The following TMEM132B variants were observed in gnomAD, a reference collection of about 807,000 sequenced individuals.
TMEM132B encodes the protein transmembrane protein 132B.
A neutral mutation model predicts 90.8 loss-of-function variants in TMEM132B; 18 were observed. The observed-to-expected ratio is 0.20, with a 90% CI of 0.14 to 0.29. TMEM132B has a LOEUF of 0.29. Among genes scored for constraint, TMEM132B ranks in the 10% least tolerant of loss-of-function variants. TMEM132B has a pLI of 1.00. For synonymous variants in TMEM132B, 504 were observed against 523.3 expected, an observed-to-expected ratio of 0.96 and a Z score of 0.50; for missense variants, 1,096 against 1,326.8, an observed-to-expected ratio of 0.83 and a Z score of 2.70.
At chr12:125,188,310 C>T (rs966132510) in intron 1 of TMEM132B, among the ~76,000 whole-genome samples, 1 of 152,150 alleles carries the variant, frequency 6.6e-6, no homozygotes, top group Admixed American at 6.5e-5. Flanking sequence ...CTGCGGTCCA[C>T]GAGAGGGGCT....
chr12:125,551,587 A>C (rs915380792), intron 4 of TMEM132B, among the ~76,000 whole-genome samples: 3 of 143,496 alleles, frequency 2.1e-5, no homozygotes, highest in Non-Finnish European at 4.6e-5. Flanking sequence ...CTCCACATCT[A>C]TCTTTTTTTT....
At position 125,349,565 on chromosome 12, in the gene TMEM132B, G is replaced by A. The variant is rs200926788; in HGVS notation, c.181G>A (p.Ala61Thr). 5.3e-5 allele frequency: 85 copies of A among 1,613,682 alleles called. No individual in the cohort carries two copies. Among genetic ancestry groups the A allele is most frequent in the Middle Eastern group, 4.9e-4 (3 of 6,080 alleles). The change falls in exon 2 of 9, where the codon GCC becomes ACC. Residue 61 changes from alanine to threonine, a missense_variant. Transcript: ENST00000682704. This position sits in a 1 kb window ranked among gnomAD's most constrained non-coding sequence, Gnocchi z 4.1. ...AGAGGAGTCCTTTTTCCTTAAAGAA[G>A]CCAACCAAGACCTCACAAGGAACTC... is the stretch of plus-strand genomic sequence containing the variant. ...NAEESFFLKE[A>T]NQDLTRNSSL...
chr12:125,616,208 G>A (rs545364916), intron 5 of TMEM132B, among the ~76,000 whole-genome samples: 13 of 151,436 alleles, frequency 8.6e-5, no homozygotes, highest in Non-Finnish European at 1.2e-4. Context: ...TTGTCCTTGC[G>A]ATAGTTTGCT....
chr12:125,543,361 TA>T (rs561973677), intron 4 of TMEM132B, among the ~76,000 whole-genome samples: 52 of 152,314 alleles, frequency 3.4e-4, no homozygotes, highest in African/African-American at 1.2e-3. Flanking sequence ...AATACAAATT[TA>T]AAAAACCAAT....
intron 3 of TMEM132B, among the ~76,000 whole-genome samples, chr12:125,475,943 T>G (rs966547683): frequency 3.9e-5 from 6 of 152,094 alleles, no homozygotes; most frequent in African/African-American, 1.4e-4. Context: ...AGCATAAGAG[T>G]GTGAAATTTA....
At chr12:125,292,947 G>A (rs1389662708) in intron 1 of TMEM132B, among the ~76,000 whole-genome samples, 3 of 152,194 alleles carry the variant, frequency 2.0e-5, no homozygotes, top group Admixed American at 2.0e-4. Flanking sequence ...GGAAAATTGA[G>A]GTGTTGTTAG....
chr12:125,574,296 T>A (rs1884881759), intron 4 of TMEM132B, among the ~76,000 whole-genome samples: 1 of 152,182 alleles, frequency 6.6e-6, no homozygotes, highest in South Asian at 2.1e-4. Flanking sequence ...ACATAGCAGA[T>A]GCTCTCTTGT....
chr12:125,401,476 A>G (rs1290253866), intron 2 of TMEM132B, among the ~76,000 whole-genome samples: 1 of 152,086 alleles, frequency 6.6e-6, no homozygotes, highest in Non-Finnish European at 1.5e-5. Context: ...GTCTAGGAAA[A>G]CTTCACTGAG....
At chr12:125,647,752 G>A (rs979711289) in intron 6 of TMEM132B, among the ~76,000 whole-genome samples, 1 of 152,112 alleles carries the variant, frequency 6.6e-6, no homozygotes, top group Non-Finnish European at 1.5e-5. Flanking sequence ...AAGAATGATA[G>A]AATGAGTAAA....
At chr12:125,499,590 A>G (rs1882644148) in intron 3 of TMEM132B, among the ~76,000 whole-genome samples, 2 of 152,184 alleles carry the variant, frequency 1.3e-5, no homozygotes, top group South Asian at 4.1e-4. Context: ...TGGAGAGCCT[A>G]TAAGTGGACG....
intron 2 of TMEM132B, among the ~76,000 whole-genome samples, chr12:125,362,569 C>G (rs567595695): frequency 6.6e-6 from 1 of 152,158 alleles, no homozygotes; most frequent in Non-Finnish European, 1.5e-5. Flanking sequence ...AGAACTTGTT[C>G]ATCTTGCAGG....
intron 3 of TMEM132B, among the ~76,000 whole-genome samples, chr12:125,430,361 G>A (rs149267871): frequency 2.0e-5 from 3 of 152,296 alleles, no homozygotes; most frequent in Admixed American, 6.5e-5. Context: ...TATGAAATGT[G>A]CAGGGAGCTA....
At chr12:125,196,026 A>G (rs527716562) in intron 1 of TMEM132B, among the ~76,000 whole-genome samples, 2 of 152,294 alleles carry the variant, frequency 1.3e-5, no homozygotes, top group East Asian at 3.9e-4. Flanking sequence ...TTGGCAGGTT[A>G]GAGCCGAGGA....
At chr12:125,278,073 T>C (rs1253361575) in intron 1 of TMEM132B, among the ~76,000 whole-genome samples, 2 of 152,210 alleles carry the variant, frequency 1.3e-5, no homozygotes, top group African/African-American at 4.8e-5. Context: ...ATGGAAGTGT[T>C]GGAAAGAGCC....
intron 1 of TMEM132B, among the ~76,000 whole-genome samples, chr12:125,339,551 C>T (rs1382767255): frequency 6.6e-6 from 1 of 152,206 alleles, no homozygotes; most frequent in East Asian, 1.9e-4. Flanking sequence ...TGCCCCCATC[C>T]TCAGTAAAAG....
At chr12:125,316,707 C>T (rs1023939755) in intron 1 of TMEM132B, among the ~76,000 whole-genome samples, 1 of 152,172 alleles carries the variant, frequency 6.6e-6, no homozygotes, top group Non-Finnish European at 1.5e-5. Flanking sequence ...TGCAAATGTC[C>T]TGTGGCAGAA....
At chr12:125,517,342 T>TGCA (rs1566060723) in intron 3 of TMEM132B, among the ~76,000 whole-genome samples, 33 of 38,806 alleles carry the variant, frequency 8.5e-4, no homozygotes, top group Non-Finnish European at 1.0e-3. Flanking sequence ...TTTTTTTTTT[T>TGCA]TTTTTTTTTT....
At chr12:125,285,596 A>T (rs1234484881) in intron 1 of TMEM132B, among the ~76,000 whole-genome samples, 3 of 152,184 alleles carry the variant, frequency 2.0e-5, no homozygotes, top group Non-Finnish European at 4.4e-5. Flanking sequence ...TCTTTCCCAA[A>T]GTGAGTCAGA....
intron 1 of TMEM132B, among the ~76,000 whole-genome samples, chr12:125,271,180 G>A (rs1203160710): frequency 1.1e-4 from 17 of 151,978 alleles, no homozygotes; most frequent in Non-Finnish European, 1.2e-4. Flanking sequence ...TGTCGCCTAC[G>A]CTGGTCTCAA....
Sources: allele counts gnomAD v4.1 joint callset (sites outside exome capture counted in the v4.1 genomes callset), GRCh38; gene constraint gnomAD v4.1.1; non-coding constraint Gnocchi (gnomAD v3.1); transcripts MANE v1.5; gene names NCBI Gene and HGNC (gene_info 2026-07-23, HGNC 2026-07-21).